RCOR1: variants seen among roughly 807,000 people sequenced by gnomAD.
RCOR1 encodes the protein REST corepressor.
Under a neutral mutation model 64.0 loss-of-function variants are expected in RCOR1, and 12 were observed. The ratio of observed to expected loss-of-function variants is 0.19; its 90% CI spans 0.12 to 0.30. RCOR1 has a LOEUF of 0.30. Among genes scored for constraint, RCOR1 ranks in the 10% least tolerant of loss-of-function variants. The pLI, the probability that RCOR1 is intolerant of heterozygous loss-of-function variation, is 1.00. For missense variants in RCOR1, 502 were observed against 621.2 expected, an observed-to-expected ratio of 0.81 and a Z score of 2.04; for synonymous variants, 279 against 227.2, an observed-to-expected ratio of 1.23 and a Z score of -2.05.
intron 2 of RCOR1, among the ~76,000 whole-genome samples, chr14:102,609,552 G>A (rs970109916): frequency 6.6e-6 from 1 of 152,052 alleles, no homozygotes. Flanking sequence ...TGATTCTCCT[G>A]CCTCAGCTTC....
chr14:102,667,299 G>A (rs1434722076), intron 2 of RCOR1, among the ~76,000 whole-genome samples: 6 of 152,066 alleles, frequency 3.9e-5, no homozygotes, highest in Non-Finnish European at 8.8e-5. Context: ...TCAGGAGTTC[G>A]AGACCAGCCT....
At chr14:102,593,463 C>A in intron 2 of RCOR1, 138 bp downstream of exon 2, 1 of 922,824 alleles carries the variant, frequency 1.1e-6, no homozygotes, top group Non-Finnish European at 1.5e-6. Context: ...AACAGCAGGG[C>A]GAGGACGAGG....
chr14:102,594,084 T>G (rs1389256649), intron 2 of RCOR1, among the ~76,000 whole-genome samples: 1 of 152,206 alleles, frequency 6.6e-6, no homozygotes, highest in African/African-American at 2.4e-5. Flanking sequence ...CTGGCTGCTA[T>G]TCTGTGTAGA....
intron 2 of RCOR1, among the ~76,000 whole-genome samples, chr14:102,606,283 A>G (rs1893505683): frequency 6.6e-6 from 1 of 151,912 alleles, no homozygotes; most frequent in African/African-American, 2.4e-5. Flanking sequence ...GCTGGTCTTG[A>G]ACTCCTGACC....
chr14:102,729,847 A>G lies in RCOR1; in HGVS notation c.*3341A>G, dbSNP rs539195142. The G allele has an allele frequency of 2.6e-4, 104 of 399,090 alleles. No homozygotes were observed. Among genetic ancestry groups the G allele is most frequent in the African/African-American group, 1.9e-3 (92 of 48,766 alleles). 24.7% of individuals were successfully genotyped at this position (399,090 alleles called of 1,614,324 possible). A position where few individuals can be genotyped will look rare whatever the true frequency, so the allele number is the denominator to read the frequency against. On this transcript the variant is annotated 3_prime_UTR_variant, in exon 12 of 12. Transcript: ENST00000262241. ...CTAAGGAAAGATGGAGCCAACTCCA[A>G]CGAGGGCCTCTTTTTCTCTCTTGTC... is the stretch of plus-strand genomic sequence containing the variant.
intron 7 of RCOR1, among the ~76,000 whole-genome samples, chr14:102,712,499 A>G (rs779185375): frequency 3.9e-5 from 6 of 152,022 alleles, no homozygotes; most frequent in African/African-American, 7.2e-5. Flanking sequence ...ACCTTATCCT[A>G]TGTGGATTTC....
At chr14:102,599,172 C>G (rs528170441) in intron 2 of RCOR1, among the ~76,000 whole-genome samples, 9 of 151,790 alleles carry the variant, frequency 5.9e-5, no homozygotes, top group Non-Finnish European at 1.0e-4. Flanking sequence ...CACTCTGTCA[C>G]CAGTATAGTG....
chr14:102,649,190 A>G (rs1196107486), intron 2 of RCOR1, among the ~76,000 whole-genome samples: 1 of 152,196 alleles, frequency 6.6e-6, no homozygotes, highest in African/African-American at 2.4e-5. Flanking sequence ...AATCAGGTAA[A>G]ACAAATTGTA....
chr14:102,712,947 G>GTTTTTTTTTTT (rs67246962), intron 7 of RCOR1, among the ~76,000 whole-genome samples: 1 of 77,688 alleles, frequency 1.3e-5, no homozygotes, highest in African/African-American at 4.9e-5. Context: ...CTAAATCATT[G>GTTTTTTTTTTT]TTTTTTTTTT....
intron 2 of RCOR1, chr14:102,662,249 C>G (rs1894839467): frequency 1.9e-6 from 1 of 523,096 alleles, no homozygotes. Context: ...TTTAGATGAC[C>G]CCAATTTTGT....
chr14:102,668,274 G>A (rs150045846), intron 2 of RCOR1, among the ~76,000 whole-genome samples: 1 of 152,318 alleles, frequency 6.6e-6, no homozygotes, highest in Non-Finnish European at 1.5e-5. Context: ...TACTGCTGCG[G>A]TAATGCAGGT....
At position 102,603,429 on chromosome 14, in the gene RCOR1, AT is replaced by A. The variant is rs1595190140; in HGVS notation, c.361+10105del. Among the ~76,000 whole-genome samples, 3 of 152,078 alleles carry A rather than the reference AT, an allele frequency of 2.0e-5. No homozygotes were observed. In the East Asian group the frequency reaches 5.8e-4, roughly 29 times the overall value. On this transcript the variant is annotated intron_variant, in intron 2 of 11. Coordinates refer to ENST00000262241, the MANE Select transcript of RCOR1 (RefSeq NM_015156.4). The stretch of plus-strand genomic sequence containing the variant: ...ATCCTCAGCCTCTCAGGCTCAAGTA[AT>A]CTTCCCACCTTGGCCTCCGGAGTAG...
chr14:102,626,117 A>T (rs1893976332), intron 2 of RCOR1, among the ~76,000 whole-genome samples: 1 of 152,098 alleles, frequency 6.6e-6, no homozygotes, highest in Non-Finnish European at 1.5e-5. Context: ...CTCCATCATG[A>T]CGTCAGTTCA....
At chr14:102,662,727 C>A (rs954947693) in intron 2 of RCOR1, 9 of 418,884 alleles carry the variant, frequency 2.1e-5, no homozygotes, top group African/African-American at 1.9e-4. Flanking sequence ...AAGGGCTCTG[C>A]AGCTTTTAAT....
intron 2 of RCOR1, among the ~76,000 whole-genome samples, chr14:102,625,456 A>C (rs1196439400): frequency 6.6e-6 from 1 of 151,398 alleles, no homozygotes; most frequent in African/African-American, 2.4e-5. Flanking sequence ...GCTTGTCTCG[A>C]ACTCCTGACC....
At chr14:102,650,879 C>A in intron 2 of RCOR1, 1 of 468,214 alleles carries the variant, frequency 2.1e-6, no homozygotes, top group Non-Finnish European at 2.8e-6. Flanking sequence ...TGATTTAGAG[C>A]ACTTACTCTT....
chr14:102,657,018 A>C, intron 2 of RCOR1: 1 of 854,474 alleles, frequency 1.2e-6, no homozygotes, highest in Non-Finnish European at 1.4e-6. Flanking sequence ...CATGTGATCC[A>C]CCCGCATCAG....
At chr14:102,661,693 A>G (rs1595217960) in intron 2 of RCOR1, among the ~76,000 whole-genome samples, 1 of 152,218 alleles carries the variant, frequency 6.6e-6, no homozygotes, top group African/African-American at 2.4e-5. Flanking sequence ...GGATGAGACA[A>G]CCGGCTATAG....
chr14:102,677,489 C>T (rs1297242477), intron 2 of RCOR1, among the ~76,000 whole-genome samples: 11 of 131,420 alleles, frequency 8.4e-5, no homozygotes, highest in African/African-American at 2.8e-4. Context: ...TCAGACGGGG[C>T]GGCCGGGCAG....
Sources: allele counts gnomAD v4.1 joint callset (sites outside exome capture counted in the v4.1 genomes callset), GRCh38; gene constraint gnomAD v4.1.1; transcripts MANE v1.5; gene names NCBI Gene and HGNC (gene_info 2026-07-23, HGNC 2026-07-21).